Variants in ATOSA observed in about 807,000 individuals in gnomAD.
The protein encoded by ATOSA is atos homolog protein A.
At chr15:52,610,117 C>T in the ATOSA span, 120 of 1,614,008 alleles carry the variant, frequency 7.4e-5, no homozygotes, top group African/African-American at 5.3e-4. Flanking sequence ...GCTACACAGA[C>T]GCTGTGAACT....
the ATOSA span, among the ~76,000 whole-genome samples, chr15:52,689,114 C>A: frequency 6.6e-6 from 1 of 151,850 alleles, no homozygotes; most frequent in African/African-American, 2.4e-5. Flanking sequence ...ATATTCCCCC[C>A]AAAAAACATT....
the ATOSA span, chr15:52,652,139 T>C: frequency 3.3e-6 from 4 of 1,195,896 alleles, no homozygotes. Context: ...GCTCGCTAGG[T>C]CCACTACAGC....
the ATOSA span, among the ~76,000 whole-genome samples, chr15:52,708,564 T>C: frequency 1.3e-5 from 2 of 152,126 alleles, no homozygotes; most frequent in Non-Finnish European, 2.9e-5. Flanking sequence ...ATCTGAAAAG[T>C]GAGAATAGCT....
the ATOSA span, among the ~76,000 whole-genome samples, chr15:52,701,392 T>A: frequency 6.6e-6 from 1 of 152,208 alleles, no homozygotes; most frequent in East Asian, 1.9e-4. Context: ...TGAGCCATAA[T>A]GGTGCCACTG....
chr15:52,640,938 T>C, the ATOSA span, among the ~76,000 whole-genome samples: 7 of 152,174 alleles, frequency 4.6e-5, no homozygotes, highest in Non-Finnish European at 1.5e-5. Flanking sequence ...CAGCATCCCA[T>C]TATTGAATAT....
At chr15:52,587,436 C>A in the ATOSA span, 1 of 407,826 alleles carries the variant, frequency 2.5e-6, no homozygotes, top group Non-Finnish European at 4.4e-6. Flanking sequence ...TATATAACAT[C>A]AATGGCCACA....
At chr15:52,609,122 A>G in the ATOSA span, 1 of 1,613,328 alleles carries the variant, frequency 6.2e-7, no homozygotes, top group Non-Finnish European at 8.5e-7. Flanking sequence ...GTCTCCTGAT[A>G]CGTACTTTGG....
the ATOSA span, among the ~76,000 whole-genome samples, chr15:52,690,972 AGT>A: frequency 6.6e-6 from 1 of 152,242 alleles, no homozygotes; most frequent in Non-Finnish European, 1.5e-5. Flanking sequence ...GTAACTCAAT[AGT>A]CAGGCAAAGG....
chr15:52,610,095 C>G, the ATOSA span: 1 of 1,613,958 alleles, frequency 6.2e-7, no homozygotes, highest in East Asian at 2.2e-5. Context: ...GTGCCATGGT[C>G]CAAGTTTGTT....
the ATOSA span, among the ~76,000 whole-genome samples, chr15:52,668,404 A>G: frequency 2.0e-5 from 3 of 152,318 alleles, no homozygotes; most frequent in African/African-American, 7.2e-5. Flanking sequence ...GAAACTGGGT[A>G]AGGGGAAGGA....
the ATOSA span, among the ~76,000 whole-genome samples, chr15:52,648,009 A>C: frequency 6.6e-6 from 1 of 152,190 alleles, no homozygotes; most frequent in Admixed American, 6.5e-5. Flanking sequence ...TGAGAAACCT[A>C]GAAGTGTATC....
At chr15:52,591,006 C>T in the ATOSA span, among the ~76,000 whole-genome samples, 3 of 152,182 alleles carry the variant, frequency 2.0e-5, no homozygotes, top group Admixed American at 1.3e-4. Context: ...TCTGGAGTGA[C>T]AAAATCTTTT....
the ATOSA span, among the ~76,000 whole-genome samples, chr15:52,606,585 G>T: frequency 6.6e-6 from 1 of 152,064 alleles, no homozygotes; most frequent in African/African-American, 2.4e-5. Context: ...ATTTAAAACA[G>T]GTACATGAAA....
chr15:52,676,060 A>T, the ATOSA span, among the ~76,000 whole-genome samples: 1 of 152,340 alleles, frequency 6.6e-6, no homozygotes, highest in Middle Eastern at 3.4e-3. Flanking sequence ...GGGAACATAA[A>T]AATCAGAATA....
At chr15:52,660,992 A>C in the ATOSA span, among the ~76,000 whole-genome samples, 1 of 152,042 alleles carries the variant, frequency 6.6e-6, no homozygotes, top group African/African-American at 2.4e-5. Flanking sequence ...GGATTATCTC[A>C]TTTCCTCATT....
chr15:52,708,175 C>T, the ATOSA span, among the ~76,000 whole-genome samples: 19 of 152,194 alleles, frequency 1.2e-4, no homozygotes, highest in African/African-American at 3.6e-4. Context: ...TTCAACCACA[C>T]TTTCAGCATC....
the ATOSA span, among the ~76,000 whole-genome samples, chr15:52,614,288 T>G: frequency 1.3e-5 from 2 of 151,640 alleles, no homozygotes; most frequent in East Asian, 2.0e-4. Context: ...GTATTTTTAG[T>G]AGAGAAGGGG....
the ATOSA span, among the ~76,000 whole-genome samples, chr15:52,639,285 G>A: frequency 6.6e-6 from 1 of 152,138 alleles, no homozygotes; most frequent in African/African-American, 2.4e-5. Context: ...AAAAAAAACT[G>A]TTAAGTGGTT....
chr15:52,664,630 C>A, the ATOSA span, among the ~76,000 whole-genome samples: 2 of 152,178 alleles, frequency 1.3e-5, no homozygotes, highest in Non-Finnish European at 2.9e-5. Context: ...CACAACAATT[C>A]CTGAAAGTCA....
Sources: allele counts gnomAD v4.1 joint callset (sites outside exome capture counted in the v4.1 genomes callset), GRCh38; gene constraint gnomAD v4.1.1; transcripts MANE v1.5; gene names NCBI Gene and HGNC (gene_info 2026-07-23, HGNC 2026-07-21).